BRINP2: variants seen among roughly 807,000 people sequenced by gnomAD.
BRINP2 encodes BMP/retinoic acid-inducible neural-specific protein 2.
In BRINP2, 21 loss-of-function variants were observed where a neutral mutation model predicts 69.2. The observed-to-expected ratio is 0.30, with a 90% confidence interval of 0.22 to 0.44. The LOEUF is 0.44. BRINP2 is among the 20% of genes least tolerant of loss of function. The pLI, the probability that BRINP2 is intolerant of heterozygous loss-of-function variation, is 1.00. For synonymous variants in BRINP2, 380 were observed against 394.1 expected (o/e 0.96, Z 0.42); for missense variants, 877 against 986.0 (o/e 0.89, Z 1.48).
At chr1:177,259,834 A>G (rs1384717695) in intron 4 of BRINP2, among the ~76,000 whole-genome samples, 1 of 152,078 alleles carries the variant, frequency 6.6e-6, no homozygotes, top group East Asian at 1.9e-4. Context: ...TCAAAATATC[A>G]CTTCTGATTT....
rs1443819262 is a variant in BRINP2 at position 177,281,002 on chromosome 1, G to A, written c.1826G>A (p.Ser609Asn). The A allele has an allele frequency of 6.2e-7, 1 of 1,614,218 alleles. No individual in the cohort carries two copies. Among genetic ancestry groups the A allele is most frequent in the Non-Finnish European group, 8.5e-7 (1 of 1,180,028 alleles). The change falls in exon 8 of 8, where the codon AGC becomes AAC. Residue 609 changes from serine (S) to asparagine (N), a missense_variant. Physicochemically the swap from Ser to Asn is conservative, Grantham distance 46. This residue lies in a region of BRINP2 where 225 missense variants were observed against 218.7 expected (regional missense o/e 1.03). Transcript: ENST00000361539. The stretch of plus-strand genomic sequence containing the variant: ...TGGTTCATGCCTGTGAATGAGGGCA[G>A]CTTTCCTGACTGGGAAAGGACTAAC... ...ESWFMPVNEG[S>N]FPDWERTNVD...
intron 2 of BRINP2, among the ~76,000 whole-genome samples, chr1:177,247,116 G>A (rs1650411230): frequency 6.6e-6 from 1 of 152,190 alleles, no homozygotes; most frequent in Non-Finnish European, 1.5e-5. Context: ...AAGACAAAAT[G>A]GTGATGTCAT....
At chr1:177,240,481 T>C (rs891216782) in intron 2 of BRINP2, among the ~76,000 whole-genome samples, 11 of 152,100 alleles carry the variant, frequency 7.2e-5, no homozygotes, top group Non-Finnish European at 1.5e-4. Flanking sequence ...TTTTAAAACT[T>C]AAAATTCAAT....
chr1:177,221,504 T>C (rs1488802166), intron 1 of BRINP2, among the ~76,000 whole-genome samples: 1 of 152,234 alleles, frequency 6.6e-6, no homozygotes, highest in Non-Finnish European at 1.5e-5. Context: ...GAAAGTTTTC[T>C]CACTTATGAT....
intron 4 of BRINP2, among the ~76,000 whole-genome samples, chr1:177,259,740 G>A (rs1413867427): frequency 6.6e-6 from 1 of 152,188 alleles, no homozygotes; most frequent in African/African-American, 2.4e-5. Flanking sequence ...ATCCAGCCTC[G>A]ATGACAGCAT....
chr1:177,258,536 A>C (rs1047636700), intron 4 of BRINP2, among the ~76,000 whole-genome samples: 1 of 152,166 alleles, frequency 6.6e-6, no homozygotes, highest in Non-Finnish European at 1.5e-5. Flanking sequence ...GGTTTGCTTC[A>C]TTGCATTTTG....
At chr1:177,203,616 T>A (rs1648986233) in intron 1 of BRINP2, among the ~76,000 whole-genome samples, 1 of 152,164 alleles carries the variant, frequency 6.6e-6, no homozygotes, top group African/African-American at 2.4e-5. Context: ...CATGCTGTCA[T>A]CTGAATGCAC....
chr1:177,178,019 A>C (rs1648140362), intron 1 of BRINP2, among the ~76,000 whole-genome samples: 2 of 152,154 alleles, frequency 1.3e-5, no homozygotes, highest in African/African-American at 4.8e-5. Flanking sequence ...AAGAAATGTA[A>C]ATTGTCCTGG....
At position 177,229,837 on chromosome 1, in the gene BRINP2, C is replaced by G. The variant is rs1409292020; in HGVS notation, c.-40C>G. 9 of 1,544,120 alleles carry G rather than the reference C, an allele frequency of 5.8e-6. No homozygotes were observed. The highest frequency in any genetic ancestry group is 2.3e-5 in the East Asian group (1 of 43,908). On this transcript the variant is annotated 5_prime_UTR_variant, in exon 2 of 8. Transcript: ENST00000361539. ...GGAGGAGCAGCACGGAGCGGGAGAG[C>G]GTGGCGAGAGAATGAAGAAACCAAT...
At chr1:177,255,833 G>GAGATGAAGT in intron 2 of BRINP2, 86 bp from the exon 3 acceptor site, 1 of 1,366,238 alleles carries the variant, frequency 7.3e-7, no homozygotes, top group East Asian at 2.3e-5. Context: ...GCTGCAAGTG[G>GAGATGAAGT]AGGAAGAACA....
chr1:177,253,793 C>T (rs1650661013), intron 2 of BRINP2, among the ~76,000 whole-genome samples: 1 of 151,984 alleles, frequency 6.6e-6, no homozygotes, highest in Non-Finnish European at 1.5e-5. Flanking sequence ...TTCTCCTTTC[C>T]CCAATGTGTG....
At chr1:177,241,223 G>A (rs1006589715) in intron 2 of BRINP2, among the ~76,000 whole-genome samples, 1 of 152,036 alleles carries the variant, frequency 6.6e-6, no homozygotes, top group African/African-American at 2.4e-5. Flanking sequence ...CCCCTGCCTC[G>A]GCCTCCCAAA....
intron 4 of BRINP2, among the ~76,000 whole-genome samples, chr1:177,262,105 G>T (rs2102351100): frequency 6.6e-6 from 1 of 152,304 alleles, no homozygotes; most frequent in East Asian, 1.9e-4. Flanking sequence ...TAATCCTTTT[G>T]CTATGAAGGC....
At chr1:177,212,967 C>T (rs1457571010) in intron 1 of BRINP2, among the ~76,000 whole-genome samples, 1 of 152,090 alleles carries the variant, frequency 6.6e-6, no homozygotes, top group Non-Finnish European at 1.5e-5. Flanking sequence ...TAGCATAGTT[C>T]CCAAAAGAAA....
At chr1:177,261,776 G>A (rs2102350829) in intron 4 of BRINP2, among the ~76,000 whole-genome samples, 1 of 152,344 alleles carries the variant, frequency 6.6e-6, no homozygotes, top group East Asian at 1.9e-4. Context: ...CTAGGGCTGA[G>A]TTGTGAAGCA....
At chr1:177,226,065 A>G (rs1366518202) in intron 1 of BRINP2, among the ~76,000 whole-genome samples, 1 of 152,240 alleles carries the variant, frequency 6.6e-6, no homozygotes, top group East Asian at 1.9e-4. Flanking sequence ...AATAACAAGA[A>G]GCACCCGTTG....
At chr1:177,279,617 CA>C (rs2102365406) in intron 7 of BRINP2, among the ~76,000 whole-genome samples, 1 of 152,296 alleles carries the variant, frequency 6.6e-6, no homozygotes, top group African/African-American at 2.4e-5. Flanking sequence ...AGAAGAGAAG[CA>C]TACGAAGAAG....
In BRINP2 at chr1:177,266,498, G is replaced by A. The variant is rs1235496777; in HGVS notation, c.670-6990G>A. Among the ~76,000 whole-genome samples, 6 of 151,870 alleles carry A rather than the reference G, an allele frequency of 4.0e-5. No homozygotes were observed. The East Asian group carries it at 1.2e-3, about 30-fold the overall frequency. On this transcript the variant is annotated intron_variant, in intron 4 of 7. Transcript: ENST00000361539. ...CTTTTGGCTGGGCGCGGTGGCTCAC[G>A]CCTGTAATCCCAGCACTTTGGGAGG...
At chr1:177,223,266 C>T (rs1443471775) in intron 1 of BRINP2, among the ~76,000 whole-genome samples, 1 of 152,134 alleles carries the variant, frequency 6.6e-6, no homozygotes, top group Admixed American at 6.5e-5. Flanking sequence ...ACAGAGAGAC[C>T]TATAAATTTG....
Sources: gnomAD v4.1 joint callset for allele counts (sites outside exome capture counted in the v4.1 genomes callset) on GRCh38, gnomAD v4.1.1 for gene constraint, gnomAD v4.1.1 regional missense constraint, MANE v1.5 for transcripts, NCBI Gene and HGNC (gene_info 2026-07-23, HGNC 2026-07-21) for gene names.